PLEKHG3: variants seen among roughly 807,000 people sequenced by gnomAD.
PLEKHG3 encodes pleckstrin homology domain-containing family G member 3.
PLEKHG3 carries 62 observed loss-of-function variants against 94.9 expected under a neutral mutation model. That is an observed-to-expected ratio of 0.65 (90% CI 0.53 to 0.81). The LOEUF (loss-of-function observed/expected upper bound fraction) is 0.81. Ranked by LOEUF, PLEKHG3 falls within the 30% of genes least tolerant of loss-of-function variation. The pLI, the probability that PLEKHG3 is intolerant of heterozygous loss-of-function variation, is 0.00. For missense variants in PLEKHG3, 1,461 were observed against 1,619.3 expected, an observed-to-expected ratio of 0.90 and a Z score of 1.68; for synonymous variants, 614 against 654.0, an observed-to-expected ratio of 0.94 and a Z score of 0.93.
chr14:64,717,943 C>T lies in PLEKHG3; in HGVS notation c.-39-9650C>T, dbSNP rs1459947855. On this transcript the variant is annotated intron_variant, in intron 1 of 16. Transcript: ENST00000247226. This position sits in a 1 kb window ranked among gnomAD's most constrained non-coding sequence, Gnocchi z 4.7. ...CTTGGATCTGTCCTTTCCCACAAAG[C>T]CACGTGGATTCCTTCCATCTGTCCT... 6.6e-6 allele frequency among the ~76,000 whole-genome samples: 1 copy of T among 152,240 alleles called. No homozygotes were observed. Among genetic ancestry groups the T allele is most frequent in the Non-Finnish European group, 1.5e-5 (1 of 68,038 alleles).
chr14:64,708,361 G>A (rs1168239109), intron 1 of PLEKHG3, among the ~76,000 whole-genome samples: 1 of 152,104 alleles, frequency 6.6e-6, no homozygotes, highest in Non-Finnish European at 1.5e-5. Flanking sequence ...CCCTCCCCCA[G>A]CCTCCGGCAG....
rs2081622815 is a variant in PLEKHG3, at chr14:64,738,621, C to G, written c.1405-121C>G. On this transcript the variant is annotated intron_variant, in intron 14 of 16. Transcript: ENST00000247226. The surrounding 1 kb of genome is among the most constrained non-coding windows in gnomAD (Gnocchi z 4.8). ...GGTTGGCTCTGGAATGGCTCAGGTC[C>G]AAGACTGGCTCTCAGCTCAGCCCAG... 1.3e-6 allele frequency: 1 copy of G among 747,744 alleles called. No individual in the cohort carries two copies. Among genetic ancestry groups the G allele is most frequent in the African/African-American group, 1.8e-5 (1 of 57,098 alleles). The allele number at this position is 747,744 out of a possible 1,614,324, so 46.3% of individuals were successfully genotyped here.
rs756377633 is a variant in PLEKHG3 at position 64,715,411 on chromosome 14, A to T, written c.-40+10707A>T. Among the ~76,000 whole-genome samples the T allele has an allele frequency of 1.1e-4, 16 of 151,886 alleles. No individual in the cohort carries two copies. The highest frequency in any genetic ancestry group is 2.1e-4 in the South Asian group (1 of 4,798). ...CTGGGTACCAGAGTGTTGTGAGGAG[A>T]TTATATAGAGAATGTGTTTTGCCTT... On this transcript the variant is annotated intron_variant, in intron 1 of 16. Coordinates refer to ENST00000247226, the MANE Select transcript of PLEKHG3 (RefSeq NM_001308147.2). The surrounding 1 kb of genome is among the most constrained non-coding windows in gnomAD (Gnocchi z 4.4).
Position 64,732,260 on chromosome 14 carries a change from C to T in PLEKHG3, c.1212+79C>T, listed in dbSNP as rs1467489056. 6 of 1,384,586 alleles carry T rather than the reference C, an allele frequency of 4.3e-6. No homozygotes were observed. Among genetic ancestry groups the T allele is most frequent in the Non-Finnish European group, 6.2e-6 (6 of 972,398 alleles). The allele number at this position is 1,384,586 out of a possible 1,614,324, so 85.8% of individuals were successfully genotyped here. ...AGCTCTGCAAGGTCCATTGGGGGCT[C>T]ACCTTCTGGATTTGGGCTCCAGTGG... On this transcript the variant is annotated intron_variant, in intron 10 of 16. Transcript: ENST00000247226. This position sits in a 1 kb window ranked among gnomAD's most constrained non-coding sequence, Gnocchi z 4.9.
chr14:64,724,272 C>T (rs978328284), intron 1 of PLEKHG3, among the ~76,000 whole-genome samples: 2 of 152,008 alleles, frequency 1.3e-5, no homozygotes, highest in Non-Finnish European at 2.9e-5. Context: ...GCCTCTTATC[C>T]GTCACCATCA....
chr14:64,746,191 A>G lies in PLEKHG3; in HGVS notation c.*2488A>G, dbSNP rs547716089. 1.3e-4 allele frequency: 20 copies of G among 152,318 alleles called. No individual in the cohort carries two copies. Among genetic ancestry groups the G allele is most frequent in the African/African-American group, 4.8e-4 (20 of 41,566 alleles). The allele number at this position is 152,318 out of a possible 1,614,324, so 9.4% of individuals were successfully genotyped here. A position where few individuals can be genotyped will look rare whatever the true frequency, so the allele number is the denominator to read the frequency against. On this transcript the variant is annotated 3_prime_UTR_variant, in exon 17 of 17. Transcript: ENST00000247226. This position sits in a 1 kb window ranked among gnomAD's most constrained non-coding sequence, Gnocchi z 4.9. Reference sequence around the variant, plus strand: ...AAGGCTCCCAGGGACAAGCTAGAGAATCTGGCTGTCCCTCTGTCTCCATGG... The same window carrying G: ...AAGGCTCCCAGGGACAAGCTAGAGAGTCTGGCTGTCCCTCTGTCTCCATGG...
chr14:64,738,766 A>T lies in PLEKHG3; in HGVS notation c.1429A>T (p.Ser477Cys). 6.3e-7 allele frequency: 1 copy of T among 1,595,058 alleles called. No homozygotes were observed. The highest frequency in any genetic ancestry group is 8.5e-7 in the Non-Finnish European group (1 of 1,170,292). ...MKGKGRRESE[S>C]SRSSRRPSGR... ...GGGAAAGGGGCGCAGGGAGTCTGAAAGCTCCAGGAGCAGCAGAAGGCCCAG... is the reference window on the plus strand; with the variant it reads ...GGGAAAGGGGCGCAGGGAGTCTGAATGCTCCAGGAGCAGCAGAAGGCCCAG... The change falls in exon 15 of 17, where the codon AGC (serine) becomes TGC (cysteine). Residue 477 changes from serine (S) to cysteine (C), a missense_variant. Ser to Cys is a moderately radical substitution (Grantham distance 112). Transcript: ENST00000247226. The surrounding 1 kb of genome is among the most constrained non-coding windows in gnomAD (Gnocchi z 4.8).
chr14:64,739,166 G>A lies in PLEKHG3; in HGVS notation c.1518+311G>A, dbSNP rs145091786. On this transcript the variant is annotated intron_variant, in intron 15 of 16. Coordinates refer to ENST00000247226, the MANE Select transcript of PLEKHG3 (RefSeq NM_001308147.2). The surrounding 1 kb of genome is among the most constrained non-coding windows in gnomAD (Gnocchi z 4.1). ...TCCTTTCGTTAGGCCACCTTGTATG[G>A]GTTATAAGGCCCTGTCCCTGCCAGC... is the stretch of plus-strand genomic sequence containing the variant. 2.1e-4 allele frequency among the ~76,000 whole-genome samples: 32 copies of A among 152,282 alleles called. No individual in the cohort carries two copies. The highest frequency in any genetic ancestry group is 7.5e-4 in the African/African-American group (31 of 41,552).
chr14:64,731,611 T>A lies in PLEKHG3; in HGVS notation c.1032+68T>A. ...TCCCAAAGGATCTGGGCTCCCCTTC[T>A]TGTCTGCTTCTTGGGGCTCCAGCAC... On this transcript the variant is annotated intron_variant, in intron 8 of 16. Transcript: ENST00000247226. This position sits in a 1 kb window ranked among gnomAD's most constrained non-coding sequence, Gnocchi z 6.1. 1 of 1,556,942 alleles carries A rather than the reference T, an allele frequency of 6.4e-7. No individual in the cohort carries two copies. The highest frequency in any genetic ancestry group is 8.9e-7 in the Non-Finnish European group (1 of 1,128,460).
chr14:64,716,476 CACACAACACACACACACACA>C lies in PLEKHG3; in HGVS notation c.-39-11111_-39-11092del. Among the ~76,000 whole-genome samples the C allele has an allele frequency of 2.2e-5, 3 of 137,618 alleles. No individual in the cohort carries two copies. The highest frequency in any genetic ancestry group is 5.7e-5 in the African/African-American group (2 of 35,050). 90.3% of individuals were successfully genotyped at this position (137,618 alleles called of 152,430 possible). ...CACACACACACACACAACACACACA[CACACAACACACACACACACA>C]ACACACACACACACACACACACACA... On this transcript the variant is annotated intron_variant, in intron 1 of 16. Coordinates refer to ENST00000247226, the MANE Select transcript of PLEKHG3 (RefSeq NM_001308147.2). This position sits in a 1 kb window ranked among gnomAD's most constrained non-coding sequence, Gnocchi z 5.0.
chr14:64,738,240 G>A lies in PLEKHG3; in HGVS notation c.1405-502G>A, dbSNP rs1349391110. 3 of 1,279,570 alleles carry A rather than the reference G, an allele frequency of 2.3e-6. No homozygotes were observed. The highest frequency in any genetic ancestry group is 3.1e-6 in the Non-Finnish European group (3 of 981,544). 79.3% of individuals were successfully genotyped at this position (1,279,570 alleles called of 1,614,324 possible). ...GGGCGCTATGGTGAGGTGTCTCTTC[G>A]ATCTCCCCTCCTCCTTGCATGCTCC... On this transcript the variant is annotated intron_variant, in intron 14 of 16. Coordinates refer to ENST00000247226, the MANE Select transcript of PLEKHG3 (RefSeq NM_001308147.2). The surrounding 1 kb of genome is among the most constrained non-coding windows in gnomAD (Gnocchi z 4.8).
intron 1 of PLEKHG3, among the ~76,000 whole-genome samples, chr14:64,707,237 G>A (rs1376910901): frequency 1.3e-5 from 2 of 152,188 alleles, no homozygotes; most frequent in African/African-American, 2.4e-5. Context: ...AGCCCCCAGC[G>A]GACCTGGCAG....
chr14:64,708,955 G>C (rs940122827), intron 1 of PLEKHG3, among the ~76,000 whole-genome samples: 4 of 152,146 alleles, frequency 2.6e-5, no homozygotes, highest in Non-Finnish European at 2.9e-5. Flanking sequence ...TTGCAAAGAG[G>C]GCCCTGAACA....
chr14:64,737,441 G>T (rs1021031184), intron 14 of PLEKHG3, 66 bp downstream of exon 14: 24 of 1,112,068 alleles, frequency 2.2e-5, no homozygotes, highest in Non-Finnish European at 3.0e-5. Flanking sequence ...GTCAGCCCCC[G>T]GCCCCTTCAG....
At chr14:64,733,593 A>G (rs1359480492) in intron 12 of PLEKHG3, among the ~76,000 whole-genome samples, 2 of 152,164 alleles carry the variant, frequency 1.3e-5, no homozygotes. Context: ...ACACTTGGAC[A>G]TGGCGGATGG....
At chr14:64,711,538 C>T (rs867889079) in intron 1 of PLEKHG3, among the ~76,000 whole-genome samples, 4 of 152,014 alleles carry the variant, frequency 2.6e-5, no homozygotes, top group African/African-American at 4.8e-5. Context: ...CTCAGCCTCC[C>T]GAGTAGCTGG....
chr14:64,708,178 T>C (rs1042006328), intron 1 of PLEKHG3, among the ~76,000 whole-genome samples: 1 of 152,180 alleles, frequency 6.6e-6, no homozygotes, highest in African/African-American at 2.4e-5. Flanking sequence ...GCTGAGGACG[T>C]GGGACTCCCA....
At chr14:64,719,758 C>T (rs2081231325) in intron 1 of PLEKHG3, among the ~76,000 whole-genome samples, 1 of 152,052 alleles carries the variant, frequency 6.6e-6, no homozygotes. Flanking sequence ...CCCACCCACC[C>T]CGCTCCAGCC....
In PLEKHG3 at chr14:64,749,418, C is replaced by T. The variant is rs776083520; in HGVS notation, c.*5715C>T. On this transcript the variant is annotated 3_prime_UTR_variant, in exon 17 of 17. Coordinates refer to ENST00000247226, the MANE Select transcript of PLEKHG3 (RefSeq NM_001308147.2). The surrounding 1 kb of genome is among the most constrained non-coding windows in gnomAD (Gnocchi z 4.7). ...CAGGCTCTGCGCCTTGACGCGGATG[C>T]TCTGGGACTCGTTGATGGCGGTGCT... The T allele has an allele frequency of 3.1e-6, 5 of 1,606,506 alleles. No homozygotes were observed. The African/African-American group carries it at 5.3e-5, about 17-fold the overall frequency.
Sources: allele counts gnomAD v4.1 joint callset (sites outside exome capture counted in the v4.1 genomes callset), GRCh38; gene constraint gnomAD v4.1.1; non-coding constraint Gnocchi (gnomAD v3.1); transcripts MANE v1.5; gene names NCBI Gene and HGNC (gene_info 2026-07-23, HGNC 2026-07-21).